The following TPST1 variants were observed in gnomAD, a reference collection of about 807,000 sequenced individuals.
The protein encoded by TPST1 is protein-tyrosine sulfotransferase 1.
A neutral mutation model predicts 34.8 loss-of-function variants in TPST1; 20 were observed. The observed-to-expected ratio is 0.57, with a 90% CI of 0.40 to 0.84. TPST1 has a LOEUF of 0.84. Ranked by LOEUF, TPST1 falls within the 40% of genes least tolerant of loss-of-function variation. The probability of loss-of-function intolerance (pLI) is 0.00; values close to 1 mark genes in which losing one functional copy is unlikely to be tolerated. For synonymous variants in TPST1, 152 were observed against 159.4 expected (o/e 0.95, Z 0.35); for missense variants, 353 against 455.5 (o/e 0.78, Z 2.05).
intron 3 of TPST1, among the ~76,000 whole-genome samples, chr7:66,294,717 T>G (rs1430863771): frequency 5.3e-5 from 8 of 151,926 alleles, no homozygotes; most frequent in African/African-American, 1.9e-4. Context: ...CACATACACA[T>G]ATTATTCTTT....
In TPST1 at chr7:66,332,553, A is replaced by G. The variant is rs1792018447; in HGVS notation, c.1045-19952A>G. Among the ~76,000 whole-genome samples the G allele has an allele frequency of 6.6e-6, 1 of 152,140 alleles. No individual in the cohort carries two copies. Among genetic ancestry groups the G allele is most frequent in the Admixed American group, 6.6e-5 (1 of 15,266 alleles). Reference sequence around the variant, plus strand: ...CTCCCAAAGTGCTAGGATTACAGGCATGAGCCAACATGCCTGGCCTGTTTA... The same window carrying G: ...CTCCCAAAGTGCTAGGATTACAGGCGTGAGCCAACATGCCTGGCCTGTTTA... On this transcript the variant is annotated intron_variant, in intron 3 of 5. Transcript: ENST00000304842. The surrounding 1 kb of genome is among the most constrained non-coding windows in gnomAD (Gnocchi z 4.5).
chr7:66,302,866 T>A (rs776103160), intron 3 of TPST1, among the ~76,000 whole-genome samples: 7 of 152,216 alleles, frequency 4.6e-5, no homozygotes, highest in Non-Finnish European at 8.8e-5. Context: ...TGCTTTAGAA[T>A]GATGGCATTA....
chr7:66,332,757 A>C lies in TPST1; in HGVS notation c.1045-19748A>C, dbSNP rs1792022485. 6.6e-6 allele frequency among the ~76,000 whole-genome samples: 1 copy of C among 152,166 alleles called. No individual in the cohort carries two copies. The highest frequency in any genetic ancestry group is 2.1e-4 in the South Asian group (1 of 4,828). On this transcript the variant is annotated intron_variant, in intron 3 of 5. Transcript: ENST00000304842. The surrounding 1 kb of genome is among the most constrained non-coding windows in gnomAD (Gnocchi z 4.5). ...AATACAGGATAACTATTTACATAGC[A>C]TTTGCATTGTATTAGGTGTTATAAG...
At chr7:66,280,859 A>T (rs1263092208) in intron 2 of TPST1, among the ~76,000 whole-genome samples, 3 of 152,200 alleles carry the variant, frequency 2.0e-5, no homozygotes, top group Non-Finnish European at 4.4e-5. Context: ...GTAAGGTACT[A>T]TTTATCAAAT....
rs1196871882 is a variant in TPST1 at position 66,332,893 on chromosome 7, G to A, written c.1045-19612G>A. ...ACCTGTGGATTTTGTTATTCACAGG[G>A]GATCCTGGAAACAATCCCCTGTGGA... On this transcript the variant is annotated intron_variant, in intron 3 of 5. Transcript: ENST00000304842. The surrounding 1 kb of genome is among the most constrained non-coding windows in gnomAD (Gnocchi z 4.5). 6.6e-6 allele frequency among the ~76,000 whole-genome samples: 1 copy of A among 152,042 alleles called. No homozygotes were observed.
chr7:66,331,800 A>G (rs1400373532), intron 3 of TPST1, among the ~76,000 whole-genome samples: 1 of 151,976 alleles, frequency 6.6e-6, no homozygotes, highest in African/African-American at 2.4e-5. Context: ...TGTTTACTGT[A>G]TCTAGTAAGT....
At chr7:66,226,697 A>G (rs77765148) in intron 1 of TPST1, among the ~76,000 whole-genome samples, 2,230 of 152,312 alleles carry the variant, frequency 0.015, 62 homozygotes, top group East Asian at 0.094. Flanking sequence ...TTAATTTAAA[A>G]TACAGCAAAA....
intron 3 of TPST1, among the ~76,000 whole-genome samples, chr7:66,331,930 C>T (rs757073196): frequency 6.6e-6 from 1 of 152,062 alleles, no homozygotes; most frequent in Non-Finnish European, 1.5e-5. Flanking sequence ...CCTTATGAGA[C>T]TCTAATGCCT....
intron 3 of TPST1, among the ~76,000 whole-genome samples, chr7:66,315,726 A>G (rs1267716694): frequency 6.6e-6 from 1 of 152,182 alleles, no homozygotes; most frequent in African/African-American, 2.4e-5. Context: ...CTTAATTCCA[A>G]CAGTCTAATG....
chr7:66,345,358 T>C (rs1289048264), intron 3 of TPST1, among the ~76,000 whole-genome samples: 1 of 151,404 alleles, frequency 6.6e-6, no homozygotes, highest in Admixed American at 6.6e-5. Flanking sequence ...TTAGGCCTGG[T>C]GGCAGGTGCC....
Position 66,254,002 on chromosome 7 carries a change from CAAAAAAAAAAAA to C in TPST1, c.845+12739_845+12750del, listed in dbSNP as rs60795420. On this transcript the variant is annotated intron_variant, in intron 2 of 5. Transcript: ENST00000304842. ...TGGTTGACAGAGTGAGACTCTGTTTCAAAAAAAAAAAAAAAAAAGAAAGAAAGAAAATGGCTT... is the reference window on the plus strand; with the variant it reads ...TGGTTGACAGAGTGAGACTCTGTTTCAAAAAAGAAAGAAAGAAAATGGCTT... Among the ~76,000 whole-genome samples, 8 of 113,572 alleles carry C rather than the reference CAAAAAAAAAAAA, an allele frequency of 7.0e-5. No individual in the cohort carries two copies. In the East Asian group the frequency reaches 2.2e-3, roughly 32 times the overall value. 74.5% of individuals were successfully genotyped at this position (113,572 alleles called of 152,430 possible).
intron 1 of TPST1, among the ~76,000 whole-genome samples, chr7:66,235,600 TTATATA>T (rs1436304619): frequency 6.6e-6 from 1 of 152,048 alleles, no homozygotes; most frequent in South Asian, 2.1e-4. Flanking sequence ...GAAGTGTAAT[TTATATA>T]TATAGTATGT....
At chr7:66,257,804 A>G (rs750517785) in intron 2 of TPST1, among the ~76,000 whole-genome samples, 18 of 152,146 alleles carry the variant, frequency 1.2e-4, no homozygotes, top group Non-Finnish European at 1.8e-4. Context: ...GCGAGGACCT[A>G]TTAGGCACAC....
intron 1 of TPST1, among the ~76,000 whole-genome samples, chr7:66,216,895 T>C (rs1789424350): frequency 6.6e-6 from 1 of 152,274 alleles, no homozygotes; most frequent in South Asian, 2.1e-4. Context: ...ATGAGTTTTG[T>C]ACTTTCAACT....
At chr7:66,204,728 C>A (rs1375532531), upstream of TPST1, among the ~76,000 whole-genome samples, 1 of 152,224 alleles carries the variant, frequency 6.6e-6, no homozygotes, top group African/African-American at 2.4e-5. Context: ...GTTTTCATTT[C>A]TTTCTTTTAG....
At chr7:66,199,294 CTTTTTTT>C in the TPST1 span, among the ~76,000 whole-genome samples, 2 of 125,882 alleles carry the variant, frequency 1.6e-5, no homozygotes, top group African/African-American at 3.0e-5. Flanking sequence ...TCATCTCCTT[CTTTTTTT>C]TTTTTTTTTT....
chr7:66,243,924 C>T (rs904333584), intron 2 of TPST1, among the ~76,000 whole-genome samples: 51 of 148,598 alleles, frequency 3.4e-4, no homozygotes, highest in African/African-American at 1.3e-3. Context: ...TTTATTTAAA[C>T]ATTTTTATTC....
chr7:66,359,985 C>T lies in TPST1; in HGVS notation c.*120C>T, dbSNP rs1030313110. ...TGGAGCGTCTGCACCTTGGCTGCGC[C>T]GCCTGTGCATTTGCCAGTTTCCTCC... On this transcript the variant is annotated 3_prime_UTR_variant, in exon 6 of 6. Transcript: ENST00000304842. 2 of 456,568 alleles carry T rather than the reference C, an allele frequency of 4.4e-6. No individual in the cohort carries two copies. Among genetic ancestry groups the T allele is most frequent in the African/African-American group, 4.0e-5 (2 of 50,190 alleles). The allele number at this position is 456,568 out of a possible 1,614,324, so 28.3% of individuals were successfully genotyped here.
At chr7:66,225,258 G>A (rs1463856492) in intron 1 of TPST1, among the ~76,000 whole-genome samples, 1 of 151,974 alleles carries the variant, frequency 6.6e-6, no homozygotes, top group East Asian at 1.9e-4. Context: ...CTCTATAAAT[G>A]TCCTAGTTGA....
Sources: allele counts gnomAD v4.1 joint callset (sites outside exome capture counted in the v4.1 genomes callset), GRCh38; gene constraint gnomAD v4.1.1; non-coding constraint Gnocchi (gnomAD v3.1); transcripts MANE v1.5; gene names NCBI Gene and HGNC (gene_info 2026-07-23, HGNC 2026-07-21).